IRX5: variants seen among roughly 807,000 people sequenced by gnomAD.
The protein encoded by IRX5 is iroquois-class homeodomain protein IRX-5.
IRX5 carries 8 observed loss-of-function variants against 37.6 expected under a neutral mutation model. That is an observed-to-expected ratio of 0.21 (90% CI 0.12 to 0.38). IRX5 has a LOEUF of 0.38. Among genes scored for constraint, IRX5 ranks in the 10% least tolerant of loss-of-function variants. The pLI is 1.00. For missense variants in IRX5, 635 were observed against 695.2 expected (o/e 0.91, Z 0.97); for synonymous variants, 359 against 328.6 (o/e 1.09, Z -1.00).
chr16:54,931,467 G>C lies in IRX5; in HGVS notation c.249+20G>C, dbSNP rs1963896759. 1 of 1,540,122 alleles carries C rather than the reference G, an allele frequency of 6.5e-7. No individual in the cohort carries two copies. Among genetic ancestry groups the C allele is most frequent in the Non-Finnish European group, 8.7e-7 (1 of 1,150,700 alleles). On this transcript the variant is annotated intron_variant, in intron 1 of 2. Coordinates refer to ENST00000394636, the MANE Select transcript of IRX5 (RefSeq NM_005853.6). Reference sequence around the variant, plus strand: ...TACGTGGTAAGTGAGCGGGATCCGCGGCGGGCGAGGGGCAGCAGGGGCCGG... The same window carrying C: ...TACGTGGTAAGTGAGCGGGATCCGCCGCGGGCGAGGGGCAGCAGGGGCCGG...
Position 54,933,213 on chromosome 16 carries a change from G to T in IRX5, c.792G>T (p.Leu264=). 2 of 1,523,106 alleles carry T rather than the reference G, an allele frequency of 1.3e-6. No individual in the cohort carries two copies. The highest frequency in any genetic ancestry group is 1.8e-6 in the Non-Finnish European group (2 of 1,142,226). 94.3% of individuals were successfully genotyped at this position (1,523,106 alleles called of 1,614,324 possible). ...CCTCGGAGGGCCGCCTCGACGCGCT[G>T]CAGGGCCCCCCCCGCACCGGCGGGC... ...EPPSEGRLDA[L]QGPPRTGGPS... Residue 264 remains leucine, a synonymous_variant, in exon 3 of 3, where the codon CTG becomes CTT. Transcript: ENST00000394636.
rs1255655318 is a variant in IRX5, at chr16:54,933,567, G to A, written c.1146G>A (p.Pro382=). ...GGSRASPAPA[P]SRSPSAQCPF... ...GCCGGGCGTCGCCGGCCCCGGCGCCGTCACGCTCGCCCTCGGCGCAGTGTC... is the reference window on the plus strand; with the variant it reads ...GCCGGGCGTCGCCGGCCCCGGCGCCATCACGCTCGCCCTCGGCGCAGTGTC... Residue 382 remains proline, a synonymous_variant, in exon 3 of 3, where the codon CCG becomes CCA. Transcript: ENST00000394636. 1 of 1,608,332 alleles carries A rather than the reference G, an allele frequency of 6.2e-7. No individual in the cohort carries two copies. Among genetic ancestry groups the A allele is most frequent in the African/African-American group, 1.3e-5 (1 of 74,788 alleles).
At chr16:54,933,050 C>G in intron 2 of IRX5, 27 bp from the exon 3 acceptor site, 1 of 1,603,134 alleles carries the variant, frequency 6.2e-7, no homozygotes, top group Non-Finnish European at 8.5e-7. Context: ...GCCTCTGCGC[C>G]CCTGACAGCC....
chr16:54,932,853 A>G lies in IRX5; in HGVS notation c.605A>G (p.Asp202Gly), dbSNP rs748263901. The G allele has an allele frequency of 1.9e-6, 3 of 1,614,038 alleles. No homozygotes were observed. Among genetic ancestry groups the G allele is most frequent in the Non-Finnish European group, 2.5e-6 (3 of 1,179,966 alleles). Residue 202 changes from aspartate to glycine, a missense_variant, in exon 2 of 3, where the codon GAC becomes GGC. Physicochemically the swap from Asp to Gly is moderately conservative, Grantham distance 94 (BLOSUM62 -1). Around this residue, in one of 5 missense-constraint regions of IRX5, gnomAD observed 244 missense variants for 205.4 expected, o/e 1.19. Coordinates refer to ENST00000394636, the MANE Select transcript of IRX5 (RefSeq NM_005853.6). This position sits in a 1 kb window ranked among gnomAD's most constrained non-coding sequence, Gnocchi z 6.7. ...ENIDLEKNDE[D>G]EPQKPEDKGD... ...ATTGACCTGGAGAAGAACGACGAGG[A>G]CGAGCCCCAGAAGCCCGAGGACAAG...
Position 54,932,799 on chromosome 16 carries a change from G to A in IRX5, c.551G>A (p.Arg184His). 2.5e-6 allele frequency: 4 copies of A among 1,614,194 alleles called. No homozygotes were observed. The highest frequency in any genetic ancestry group is 2.5e-6 in the Non-Finnish European group (3 of 1,180,028). ...ENKMTWTPRN[R>H]SEDEEEEENI... ...AAAATGACGTGGACGCCGCGGAACCGCAGCGAGGACGAGGAAGAGGAGGAG... is the reference window on the plus strand; with the variant it reads ...AAAATGACGTGGACGCCGCGGAACCACAGCGAGGACGAGGAAGAGGAGGAG... Residue 184 changes from arginine (R) to histidine (H), a missense_variant, in exon 2 of 3, where the codon CGC becomes CAC. Around this residue, in one of 5 missense-constraint regions of IRX5, gnomAD observed 55 missense variants for 120.5 expected, o/e 0.46. Transcript: ENST00000394636. This position sits in a 1 kb window ranked among gnomAD's most constrained non-coding sequence, Gnocchi z 6.7.
At position 54,931,457 on chromosome 16, in the gene IRX5, C is replaced by G. The variant is rs541353378; in HGVS notation, c.249+10C>G. On this transcript the variant is annotated intron_variant, in intron 1 of 2. Transcript: ENST00000394636. Reference sequence around the variant, plus strand: ...CTTCTCCTCGTACGTGGTAAGTGAGCGGGATCCGCGGCGGGCGAGGGGCAG... The same window carrying G: ...CTTCTCCTCGTACGTGGTAAGTGAGGGGGATCCGCGGCGGGCGAGGGGCAG... The G allele has an allele frequency of 1.3e-6, 2 of 1,557,240 alleles. No individual in the cohort carries two copies. The highest frequency in any genetic ancestry group is 1.2e-5 in the South Asian group (1 of 86,950).
chr16:54,934,170 T>C lies in IRX5; in HGVS notation c.*297T>C, dbSNP rs1439266751. On this transcript the variant is annotated 3_prime_UTR_variant, in exon 3 of 3. Transcript: ENST00000394636. Reference sequence around the variant, plus strand: ...ATAATTCAATATCTTTGAAGTAAATTATGAAATCAAGACACCTGTACAGGC... The same window carrying C: ...ATAATTCAATATCTTTGAAGTAAATCATGAAATCAAGACACCTGTACAGGC... The C allele has an allele frequency of 4.6e-6, 1 of 218,214 alleles. No individual in the cohort carries two copies. Among genetic ancestry groups the C allele is most frequent in the East Asian group, 9.6e-5 (1 of 10,406 alleles). The allele number at this position is 218,214 out of a possible 1,614,324, so 13.5% of individuals were successfully genotyped here.
In IRX5 at chr16:54,933,823, C is replaced by T. The variant is rs757121314; in HGVS notation, c.1402C>T (p.Leu468=). 1.2e-5 allele frequency: 19 copies of T among 1,613,840 alleles called. No individual in the cohort carries two copies. The highest frequency in any genetic ancestry group is 1.6e-5 in the Non-Finnish European group (19 of 1,179,866). The change falls in exon 3 of 3, where the codon CTG becomes TTG. Residue 468 remains leucine (L), a synonymous_variant. Transcript: ENST00000394636. The stretch of plus-strand genomic sequence containing the variant: ...GTTGCGGAGCCAGTCTCAGCTAGAC[C>T]TGTGCAAAGACTCTCCCTATGAATT... The part of the protein sequence containing the change: ...KMLRSQSQLD[L]CKDSPYELKK...
rs1963902457 is a variant in IRX5, at chr16:54,931,948, G to C, written c.249+501G>C. Reference sequence around the variant, plus strand: ...ATTTCTGAAAAGTCGGTCGAGCTGCGGTGCATCCGGGATTTTTCGGCCGGG... The same window carrying C: ...ATTTCTGAAAAGTCGGTCGAGCTGCCGTGCATCCGGGATTTTTCGGCCGGG... On this transcript the variant is annotated intron_variant, in intron 1 of 2. Coordinates refer to ENST00000394636, the MANE Select transcript of IRX5 (RefSeq NM_005853.6). 2 of 627,316 alleles carry C rather than the reference G, an allele frequency of 3.2e-6. 1 individual carries two copies. The highest frequency in any genetic ancestry group is 5.5e-5 in the East Asian group (2 of 36,496). The allele number at this position is 627,316 out of a possible 1,614,324, so 38.9% of individuals were successfully genotyped here. A position where few individuals can be genotyped will look rare whatever the true frequency, so the allele number is the denominator to read the frequency against.
At chr16:54,931,804 G>T (rs1193985701) in intron 1 of IRX5, among the ~76,000 whole-genome samples, 1 of 152,212 alleles carries the variant, frequency 6.6e-6, no homozygotes, top group Non-Finnish European at 1.5e-5. Flanking sequence ...AAATAGACTC[G>T]AAATTTGAGC....
In IRX5 at chr16:54,932,487, C is replaced by A; in HGVS notation, c.250-11C>A. On this transcript the variant is annotated splice_polypyrimidine_tract_variant and intron_variant, in intron 1 of 2. Transcript: ENST00000394636. This position sits in a 1 kb window ranked among gnomAD's most constrained non-coding sequence, Gnocchi z 6.7. ...ACGGTCCACACTCACCTCTCTGCGT[C>A]TCCACCGCAGGGCTCTCCCTACGAC... 6.3e-7 allele frequency: 1 copy of A among 1,598,194 alleles called. No individual in the cohort carries two copies. Among genetic ancestry groups the A allele is most frequent in the South Asian group, 1.1e-5 (1 of 89,018 alleles).
In IRX5 at chr16:54,933,300, C is replaced by T. The variant is rs1176343344; in HGVS notation, c.879C>T (p.Ala293=). The T allele has an allele frequency of 1.8e-5, 25 of 1,402,936 alleles. No individual in the cohort carries two copies. The African/African-American group carries it at 3.3e-4, about 19-fold the overall frequency. The allele number at this position is 1,402,936 out of a possible 1,614,324, so 86.9% of individuals were successfully genotyped here. The change falls in exon 3 of 3, where the codon GCC becomes GCT. Residue 293 remains alanine, a synonymous_variant. Transcript: ENST00000394636. ...AGGACCCGGCCCCTCACTACCCCGC[C>T]GGAGCGCCGGCGCCCGGCCCGCATC... ...LAEDPAPHYP[A]GAPAPGPHPA...
chr16:54,933,024 C>T (rs1458680691), intron 2 of IRX5, 53 bp from the exon 3 acceptor site: 1 of 1,603,244 alleles, frequency 6.2e-7, no homozygotes, highest in Non-Finnish European at 8.5e-7. Flanking sequence ...GGGCGGGAAC[C>T]GGGTCCCGCC....
In IRX5 at chr16:54,932,549, C is replaced by A; in HGVS notation, c.301C>A (p.Pro101Thr). The change falls in exon 2 of 3, where the codon CCT becomes ACT. Residue 101 changes from proline to threonine, a missense_variant. Physicochemically the swap from Pro to Thr is conservative, Grantham distance 38 (BLOSUM62 -1). This residue lies in a region of IRX5 where 145 missense variants were observed against 152.4 expected (regional missense o/e 0.95). Coordinates refer to ENST00000394636, the MANE Select transcript of IRX5 (RefSeq NM_005853.6). The surrounding 1 kb of genome is among the most constrained non-coding windows in gnomAD (Gnocchi z 6.7). Reference sequence around the variant, plus strand: ...CATGGCGGGCTCCTTGGGGTACCATCCTTACGCGGCGCCCCTGGGATCGTA... The same window carrying A: ...CATGGCGGGCTCCTTGGGGTACCATACTTACGCGGCGCCCCTGGGATCGTA... The part of the protein sequence containing the change: ...PGMAGSLGYH[P>T]YAAPLGSYPY... The A allele has an allele frequency of 1.2e-6, 2 of 1,614,002 alleles. No homozygotes were observed. Among genetic ancestry groups the A allele is most frequent in the Non-Finnish European group, 1.7e-6 (2 of 1,179,964 alleles).
Position 54,932,900 on chromosome 16 carries a change from G to A in IRX5, c.652G>A (p.Ala218Thr), listed in dbSNP as rs766917570. ...EDKGDPEGPE[A>T]GGAEQKAASG... ...CAAGGGCGACCCCGAGGGCCCCGAA[G>A]CAGGTTGGTGGACATGGGAAAGGGC... Residue 218 changes from alanine (A) to threonine (T), a missense_variant, in exon 2 of 3, where the codon GCA becomes ACA. Physicochemically the swap from Ala to Thr is moderately conservative, Grantham distance 58 (BLOSUM62 0). Coordinates refer to ENST00000394636, the MANE Select transcript of IRX5 (RefSeq NM_005853.6). This position sits in a 1 kb window ranked among gnomAD's most constrained non-coding sequence, Gnocchi z 6.7. 7 of 1,609,446 alleles carry A rather than the reference G, an allele frequency of 4.3e-6. No homozygotes were observed. Among genetic ancestry groups the A allele is most frequent in the Non-Finnish European group, 5.9e-6 (7 of 1,177,718 alleles).
Position 54,932,663 on chromosome 16 carries a change from C to T in IRX5, c.415C>T (p.Pro139Ser). ...CTGGCTCAACGAGCACCGCAAGAAC[C>T]CCTACCCCACCAAGGGCGAGAAGAT... ...KAWLNEHRKN[P>S]YPTKGEKIML... The change falls in exon 2 of 3, where the codon CCC (proline) becomes TCC (serine). Residue 139 changes from proline to serine, a missense_variant. By Grantham distance (74) the Pro-to-Ser change is moderately conservative. Around this residue, in one of 5 missense-constraint regions of IRX5, gnomAD observed 55 missense variants for 120.5 expected, o/e 0.46. Transcript: ENST00000394636. This position sits in a 1 kb window ranked among gnomAD's most constrained non-coding sequence, Gnocchi z 6.7. The T allele has an allele frequency of 6.2e-7, 1 of 1,614,020 alleles. No homozygotes were observed. Among genetic ancestry groups the T allele is most frequent in the Non-Finnish European group, 8.5e-7 (1 of 1,180,030 alleles).
rs1197542960 is a variant in IRX5 at position 54,933,225 on chromosome 16, C to G, written c.804C>G (p.Pro268=). 1.3e-6 allele frequency: 2 copies of G among 1,493,114 alleles called. No homozygotes were observed. The allele number at this position is 1,493,114 out of a possible 1,614,324, so 92.5% of individuals were successfully genotyped here. Residue 268 remains proline, a synonymous_variant, in exon 3 of 3, where the codon CCC becomes CCG. Coordinates refer to ENST00000394636, the MANE Select transcript of IRX5 (RefSeq NM_005853.6). ...EGRLDALQGP[P]RTGGPSPAGP... ...GCCTCGACGCGCTGCAGGGCCCCCC[C>G]CGCACCGGCGGGCCCTCCCCGGCTG...
chr16:54,933,018 G>C, intron 2 of IRX5, 59 bp from the exon 3 acceptor site: 1 of 1,603,812 alleles, frequency 6.2e-7, no homozygotes, highest in South Asian at 1.1e-5. Flanking sequence ...CTTTGCGGGC[G>C]GGAACCGGGT....
chr16:54,933,347 C>T lies in IRX5; in HGVS notation c.926C>T (p.Pro309Leu). 1.3e-6 allele frequency: 2 copies of T among 1,491,856 alleles called. No homozygotes were observed. The highest frequency in any genetic ancestry group is 2.8e-5 in the East Asian group (1 of 35,504). The allele number at this position is 1,491,856 out of a possible 1,614,324, so 92.4% of individuals were successfully genotyped here. The change falls in exon 3 of 3, where the codon CCG (proline) becomes CTG (leucine). Residue 309 changes from proline to leucine, a missense_variant. By Grantham distance (98) the Pro-to-Leu change is moderately conservative. This residue lies in a region of IRX5 where 244 missense variants were observed against 205.4 expected (regional missense o/e 1.19). Transcript: ENST00000394636. The part of the protein sequence containing the change: ...GPHPAAGEVP[P>L]GPGGPSVIHS... ...CATCCAGCCGCGGGCGAGGTGCCTC[C>T]GGGTCCCGGCGGGCCCTCGGTTATC...
Sources: gnomAD v4.1 joint callset for allele counts (sites outside exome capture counted in the v4.1 genomes callset) on GRCh38, gnomAD v4.1.1 for gene constraint, gnomAD v4.1.1 regional missense constraint, Gnocchi (gnomAD v3.1) non-coding constraint, MANE v1.5 for transcripts, NCBI Gene and HGNC (gene_info 2026-07-23, HGNC 2026-07-21) for gene names.